ASTN1: variants seen among roughly 807,000 people sequenced by gnomAD.
ASTN1 encodes astrotactin 1.
Under a neutral mutation model 140.7 loss-of-function variants are expected in ASTN1, and 41 were observed. The ratio of observed to expected loss-of-function variants is 0.29; its 90% confidence interval spans 0.23 to 0.38. The LOEUF (loss-of-function observed/expected upper bound fraction) is 0.38, where lower values mean the gene tolerates loss of function less well. ASTN1 is among the 10% of genes least tolerant of loss of function. The probability of loss-of-function intolerance (pLI) is 1.00; values close to 1 mark genes in which losing one functional copy is unlikely to be tolerated. For synonymous variants in ASTN1, 640 were observed against 652.2 expected, an observed-to-expected ratio of 0.98 and a Z score of 0.29; for missense variants, 1,479 against 1,678.8, an observed-to-expected ratio of 0.88 and a Z score of 2.08.
chr1:177,111,501 C>T (rs1325291064), intron 1 of ASTN1, among the ~76,000 whole-genome samples: 4 of 152,160 alleles, frequency 2.6e-5, no homozygotes, highest in South Asian at 4.1e-4. Flanking sequence ...AAAGACCACT[C>T]TTAAGAGTAG....
chr1:176,950,246 T>C (rs1310570560), intron 11 of ASTN1, among the ~76,000 whole-genome samples: 1 of 152,064 alleles, frequency 6.6e-6, no homozygotes, highest in Non-Finnish European at 1.5e-5. Flanking sequence ...CCCCAGGAGG[T>C]AAGCAGTATG....
intron 1 of ASTN1, among the ~76,000 whole-genome samples, chr1:177,140,526 G>GA (rs1321757252): frequency 6.6e-6 from 1 of 151,822 alleles, no homozygotes; most frequent in South Asian, 2.1e-4. Flanking sequence ...AGAAAATTTT[G>GA]AAAAAAAGCC....
At chr1:177,017,588 C>T (rs956964600) in intron 7 of ASTN1, among the ~76,000 whole-genome samples, 1 of 152,234 alleles carries the variant, frequency 6.6e-6, no homozygotes. Flanking sequence ...ACAGTCTCTG[C>T]ATCTGCTGTG....
intron 14 of ASTN1, among the ~76,000 whole-genome samples, chr1:176,938,300 T>G (rs1671535896): frequency 6.6e-6 from 1 of 152,250 alleles, no homozygotes; most frequent in African/African-American, 2.4e-5. Flanking sequence ...TGCATCTATG[T>G]AGAACTATTT....
chr1:176,985,346 A>G (rs537931282), intron 8 of ASTN1, among the ~76,000 whole-genome samples: 8 of 152,000 alleles, frequency 5.3e-5, no homozygotes, highest in Non-Finnish European at 1.2e-4. Context: ...CTGCCCATGC[A>G]TTGACACTCT....
chr1:177,054,153 G>T (rs192903517), intron 2 of ASTN1, among the ~76,000 whole-genome samples: 74 of 152,286 alleles, frequency 4.9e-4, no homozygotes, highest in African/African-American at 1.6e-3. Flanking sequence ...TCATAGTCCT[G>T]CAAACTAATA....
rs569471974 is a variant in ASTN1 at position 176,899,653 on chromosome 1, C to T, written c.2672-4823G>A. Among the ~76,000 whole-genome samples the T allele has an allele frequency of 5.9e-5, 9 of 152,244 alleles. No homozygotes were observed. The South Asian group carries it at 1.9e-3, about 32-fold the overall frequency. On this transcript the variant is annotated intron_variant, in intron 16 of 22. Coordinates refer to ENST00000361833, the MANE Select transcript of ASTN1 (RefSeq NM_004319.3). ...AATGAAGCACAGCCACCCTGAAGCC[C>T]ACCAAAACCCTGCATTCCAGGATCT...
intron 2 of ASTN1, among the ~76,000 whole-genome samples, chr1:177,052,095 A>T (rs1677569681): frequency 6.6e-6 from 1 of 152,140 alleles, no homozygotes; most frequent in African/African-American, 2.4e-5. Flanking sequence ...TGACATAACA[A>T]TTCCCTGAAT....
intron 8 of ASTN1, among the ~76,000 whole-genome samples, chr1:177,011,481 T>C (rs955488901): frequency 2.2e-4 from 34 of 152,114 alleles, no homozygotes; most frequent in African/African-American, 7.7e-4. Context: ...GAATATCTGT[T>C]GAAAACACAA....
At chr1:177,064,057 T>G (rs573941273) in intron 1 of ASTN1, among the ~76,000 whole-genome samples, 1 of 152,296 alleles carries the variant, frequency 6.6e-6, no homozygotes, top group African/African-American at 2.4e-5. Flanking sequence ...TTACCTCTGT[T>G]TCCATTGTGG....
rs1676386272 is a variant in ASTN1 at position 177,030,706 on chromosome 1, C to A, written c.1012+100G>T. On this transcript the variant is annotated intron_variant, in intron 4 of 22. Transcript: ENST00000361833. ...GAAAGGCTGTGCCAGGGCATACCCT[C>A]TCCAGCCACGCATGAGAGAATGGGT... is the stretch of plus-strand genomic sequence containing the variant. 3 of 1,505,460 alleles carry A rather than the reference C, an allele frequency of 2.0e-6. No individual in the cohort carries two copies. In the East Asian group the frequency reaches 6.8e-5, roughly 34 times the overall value. The allele number at this position is 1,505,460 out of a possible 1,614,324, so 93.3% of individuals were successfully genotyped here.
At chr1:177,044,216 C>G (rs780181820) in intron 2 of ASTN1, among the ~76,000 whole-genome samples, 7 of 151,794 alleles carry the variant, frequency 4.6e-5, no homozygotes, top group African/African-American at 7.3e-5. Flanking sequence ...CACACACACC[C>G]AACTGCCCTG....
chr1:177,070,824 T>C (rs1206640720), intron 1 of ASTN1, among the ~76,000 whole-genome samples: 1 of 152,188 alleles, frequency 6.6e-6, no homozygotes, highest in Non-Finnish European at 1.5e-5. Context: ...TGTTTTTCAC[T>C]ATCTCAACGT....
intron 2 of ASTN1, among the ~76,000 whole-genome samples, chr1:177,050,101 C>G (rs113430771): frequency 5.8e-4 from 88 of 152,272 alleles, no homozygotes; most frequent in African/African-American, 1.9e-3. Context: ...CCCACAAATG[C>G]CAAATCATGA....
intron 17 of ASTN1, among the ~76,000 whole-genome samples, chr1:176,892,586 T>G (rs1557939543): frequency 1.3e-5 from 2 of 152,206 alleles, no homozygotes; most frequent in African/African-American, 4.8e-5. Context: ...ACCTGGTTCA[T>G]TATATGGTTT....
intron 1 of ASTN1, among the ~76,000 whole-genome samples, chr1:177,147,856 G>C (rs1165995471): frequency 6.6e-6 from 1 of 152,160 alleles, no homozygotes; most frequent in East Asian, 1.9e-4. Flanking sequence ...CTAGGAGAAA[G>C]ACACCTCCTT....
chr1:177,153,448 C>A (rs1048820170), intron 1 of ASTN1, among the ~76,000 whole-genome samples: 1 of 151,974 alleles, frequency 6.6e-6, no homozygotes, highest in Non-Finnish European at 1.5e-5. Context: ...TATAGCGACA[C>A]AAAATGGATG....
intron 1 of ASTN1, among the ~76,000 whole-genome samples, chr1:177,099,102 A>G (rs549058850): frequency 2.6e-5 from 4 of 152,336 alleles, no homozygotes; most frequent in African/African-American, 9.6e-5. Context: ...ATTCCCATTA[A>G]GCAACATCAA....
At chr1:177,049,868 G>A (rs1394405442) in intron 2 of ASTN1, among the ~76,000 whole-genome samples, 4 of 152,292 alleles carry the variant, frequency 2.6e-5, no homozygotes, top group East Asian at 3.9e-4. Flanking sequence ...CTCAGAGGCC[G>A]AGGCTGTTCA....
Sources: allele counts gnomAD v4.1 joint callset (sites outside exome capture counted in the v4.1 genomes callset), GRCh38; gene constraint gnomAD v4.1.1; transcripts MANE v1.5; gene names NCBI Gene and HGNC (gene_info 2026-07-23, HGNC 2026-07-21).